IL1RAPL2: variants seen among roughly 807,000 people sequenced by gnomAD.
IL1RAPL2 encodes interleukin 1 receptor accessory protein like 2.
Under a neutral mutation model 44.1 loss-of-function variants are expected in IL1RAPL2, and 3 were observed. The ratio of observed to expected loss-of-function variants is 0.07; its 90% confidence interval spans 0.03 to 0.18. The LOEUF is 0.18. IL1RAPL2 is among the 10% of genes least tolerant of loss of function. IL1RAPL2 has a pLI of 1.00. For missense variants in IL1RAPL2, 391 were observed against 496.4 expected, an observed-to-expected ratio of 0.79 and a Z score of 2.02; for synonymous variants, 181 against 178.8, an observed-to-expected ratio of 1.01 and a Z score of -0.10.
intron 5 of IL1RAPL2, among the ~76,000 whole-genome samples, chrX:105,433,715 G>T (rs757993839): frequency 9.0e-6 from 1 of 111,322 alleles, no homozygotes; most frequent in African/African-American, 3.3e-5. Flanking sequence ...AGTGACCAGA[G>T]ATTACAGTTG....
intron 2 of IL1RAPL2, among the ~76,000 whole-genome samples, chrX:105,142,261 A>T (rs1479284290): frequency 8.9e-6 from 1 of 112,186 alleles, no homozygotes; most frequent in Non-Finnish European, 1.9e-5. Flanking sequence ...GGGACTTTAC[A>T]GTAAAGTACC....
rs534578302 is a variant in IL1RAPL2, at chrX:105,134,690, A to C, written c.83-60785A>C. Among the ~76,000 whole-genome samples the C allele has an allele frequency of 7.2e-5, 8 of 111,607 alleles. No homozygotes were observed. The Middle Eastern group carries it at 0.014, about 195-fold the overall frequency. On this transcript the variant is annotated intron_variant, in intron 2 of 10. Coordinates refer to ENST00000372582, the MANE Select transcript of IL1RAPL2 (RefSeq NM_017416.2). ...AAACTCTATAATAAGGACTATATAC[A>C]GTTTACAAAGTCTATACAATGAATT... is the stretch of plus-strand genomic sequence containing the variant.
intron 6 of IL1RAPL2, among the ~76,000 whole-genome samples, chrX:105,711,105 G>A (rs1189863690): frequency 9.1e-6 from 1 of 109,689 alleles, no homozygotes; most frequent in East Asian, 2.9e-4. Flanking sequence ...GGGATCACTG[G>A]CTTTCAGCTT....
chrX:104,763,227 G>A (rs1041426752), intron 2 of IL1RAPL2, among the ~76,000 whole-genome samples: 2 of 111,869 alleles, frequency 1.8e-5, no homozygotes, highest in African/African-American at 3.3e-5. Flanking sequence ...AGCATAGCAA[G>A]GGCTACTTTT....
intron 2 of IL1RAPL2, among the ~76,000 whole-genome samples, chrX:104,882,909 G>A (rs1001265624): frequency 2.7e-5 from 3 of 111,116 alleles, no homozygotes; most frequent in African/African-American, 6.6e-5. Flanking sequence ...AACTCCGGAC[G>A]CCCCACCTTT....
At chrX:105,523,751 T>G (rs1453571370) in intron 6 of IL1RAPL2, among the ~76,000 whole-genome samples, 1 of 110,510 alleles carries the variant, frequency 9.0e-6, no homozygotes, top group East Asian at 2.8e-4. Flanking sequence ...ATACATATTT[T>G]ATAATTGCTT....
chrX:104,981,055 TTGTGTGTG>T (rs199571900), intron 2 of IL1RAPL2, among the ~76,000 whole-genome samples: 166 of 97,202 alleles, frequency 1.7e-3, no homozygotes, highest in Non-Finnish European at 1.9e-3. Context: ...TTCCAAGGTA[TTGTGTGTG>T]TGTGTGTGTG....
intron 2 of IL1RAPL2, among the ~76,000 whole-genome samples, chrX:105,142,196 C>G (rs2033131165): frequency 8.9e-6 from 1 of 111,912 alleles, no homozygotes; most frequent in African/African-American, 3.3e-5. Flanking sequence ...TATCTCCATC[C>G]TGATGATCCT....
chrX:105,151,766 T>TA (rs2033229867), intron 2 of IL1RAPL2, among the ~76,000 whole-genome samples: 1 of 105,291 alleles, frequency 9.5e-6, no homozygotes, highest in African/African-American at 3.8e-5. Flanking sequence ...AACAAGTGGA[T>TA]AAAAAAACTA....
intron 2 of IL1RAPL2, among the ~76,000 whole-genome samples, chrX:104,948,849 T>C (rs1392601931): frequency 4.5e-5 from 5 of 110,248 alleles, no homozygotes; most frequent in South Asian, 8.1e-4. Flanking sequence ...TTTGCATCAA[T>C]GTTCATCAAG....
intron 5 of IL1RAPL2, among the ~76,000 whole-genome samples, chrX:105,384,276 G>A (rs2035459716): frequency 9.0e-6 from 1 of 110,976 alleles, no homozygotes; most frequent in African/African-American, 3.3e-5. Flanking sequence ...TTTTTGATTT[G>A]GTTTTTGTAT....
intron 3 of IL1RAPL2, chrX:105,218,828 T>G: frequency 1.9e-6 from 1 of 530,741 alleles, no homozygotes; most frequent in Non-Finnish European, 3.1e-6. Context: ...AAAGGTACCA[T>G]TGTCTCACCT....
intron 2 of IL1RAPL2, among the ~76,000 whole-genome samples, chrX:105,077,284 A>T (rs774817740): frequency 1.8e-5 from 2 of 111,251 alleles, no homozygotes; most frequent in African/African-American, 6.5e-5. Flanking sequence ...AAAGTATTTT[A>T]TTTCTCCTTC....
chrX:104,696,622 T>C (rs961343236), intron 2 of IL1RAPL2, among the ~76,000 whole-genome samples: 6 of 111,272 alleles, frequency 5.4e-5, no homozygotes, highest in African/African-American at 1.6e-4. Flanking sequence ...GGTTTGGGGG[T>C]GGAGTTCACA....
At chrX:104,829,956 G>C (rs1265922856) in intron 2 of IL1RAPL2, among the ~76,000 whole-genome samples, 1 of 111,859 alleles carries the variant, frequency 8.9e-6, no homozygotes, top group African/African-American at 3.3e-5. Context: ...ACAGGTTAAG[G>C]AATCTGCCTA....
At chrX:105,039,262 C>T (rs1409280331) in intron 2 of IL1RAPL2, among the ~76,000 whole-genome samples, 1 of 111,246 alleles carries the variant, frequency 9.0e-6, no homozygotes, top group Non-Finnish European at 1.9e-5. Context: ...AGAGAGAATG[C>T]CATGAAAATA....
At chrX:105,272,998 A>G (rs756613657) in intron 5 of IL1RAPL2, among the ~76,000 whole-genome samples, 49 of 111,490 alleles carry the variant, frequency 4.4e-4, no homozygotes, top group Non-Finnish European at 7.3e-4. Context: ...TGAGTTTAGA[A>G]AAAAACAGTG....
intron 2 of IL1RAPL2, among the ~76,000 whole-genome samples, chrX:104,918,543 G>T (rs1297749319): frequency 8.9e-6 from 1 of 111,806 alleles, no homozygotes; most frequent in Non-Finnish European, 1.9e-5. Flanking sequence ...GGGCAAAGGG[G>T]GTTTGCATCT....
At chrX:104,794,592 AT>A (rs1393763391) in intron 2 of IL1RAPL2, among the ~76,000 whole-genome samples, 1 of 112,047 alleles carries the variant, frequency 8.9e-6, no homozygotes, top group East Asian at 2.8e-4. Context: ...ATTTTGGTAC[AT>A]GATATTATGG....
Sources: allele counts gnomAD v4.1 joint callset (sites outside exome capture counted in the v4.1 genomes callset), GRCh38; gene constraint gnomAD v4.1.1; transcripts MANE v1.5; gene names NCBI Gene and HGNC (gene_info 2026-07-23, HGNC 2026-07-21).